ZNF680: variants seen among roughly 807,000 people sequenced by gnomAD.
ZNF680 encodes the protein hypothetical protein FLJ90430.
ZNF680 carries 6 observed loss-of-function variants against 12.1 expected under a neutral mutation model. The observed-to-expected ratio is 0.49, with a 90% CI of 0.27 to 0.98. ZNF680 has a LOEUF of 0.98. Among genes scored for constraint, ZNF680 ranks in the 50% least tolerant of loss-of-function variants. The pLI, the probability that ZNF680 is intolerant of heterozygous loss-of-function variation, is 0.12. For synonymous variants in ZNF680, 170 were observed against 199.3 expected, an observed-to-expected ratio of 0.85 and a Z score of 1.24; for missense variants, 561 against 616.3, an observed-to-expected ratio of 0.91 and a Z score of 0.95.
the ZNF680 span, among the ~76,000 whole-genome samples, chr7:64,499,648 G>A: frequency 6.6e-6 from 1 of 152,200 alleles, no homozygotes; most frequent in South Asian, 2.1e-4. Context: ...GGAGGCTGAG[G>A]CAGGGGAATT....
At chr7:64,502,701 CAG>C in the ZNF680 span, among the ~76,000 whole-genome samples, 1 of 152,144 alleles carries the variant, frequency 6.6e-6, no homozygotes, top group Non-Finnish European at 1.5e-5. Context: ...GGGAAAAAAA[CAG>C]TGTCTTCCCT....
intron 1 of ZNF680, among the ~76,000 whole-genome samples, chr7:64,557,760 G>T (rs1262507218): frequency 2.0e-5 from 3 of 152,158 alleles, no homozygotes; most frequent in African/African-American, 7.2e-5. Flanking sequence ...GTGGTTGCAT[G>T]CACCTGTAGT....
At chr7:64,507,049 C>A in the ZNF680 span, among the ~76,000 whole-genome samples, 56 of 152,140 alleles carry the variant, frequency 3.7e-4, no homozygotes, top group East Asian at 5.8e-4. Flanking sequence ...AACCAATAGA[C>A]AAATACATAT....
chr7:64,534,250 C>A (rs917590068), intron 3 of ZNF680, among the ~76,000 whole-genome samples: 1 of 152,076 alleles, frequency 6.6e-6, no homozygotes, highest in Non-Finnish European at 1.5e-5. Context: ...GGGAAAGGAT[C>A]TTCACAATTT....
At chr7:64,513,421 A>T in the ZNF680 span, among the ~76,000 whole-genome samples, 1 of 152,212 alleles carries the variant, frequency 6.6e-6, no homozygotes, top group South Asian at 2.1e-4. Flanking sequence ...TCAAAAGGAT[A>T]TTATATAGTT....
intron 1 of ZNF680, among the ~76,000 whole-genome samples, chr7:64,554,300 G>A (rs950815331): frequency 3.3e-5 from 5 of 151,576 alleles, no homozygotes; most frequent in African/African-American, 1.2e-4. Flanking sequence ...AGTGAGGAGC[G>A]TCTCTGACCG....
At chr7:64,518,521 A>T (rs1326955663), downstream of ZNF680, among the ~76,000 whole-genome samples, 1 of 152,030 alleles carries the variant, frequency 6.6e-6, no homozygotes, top group Non-Finnish European at 1.5e-5. Context: ...AATACAATGT[A>T]GCTCCCATCA....
At chr7:64,506,547 TAATTA>T in the ZNF680 span, among the ~76,000 whole-genome samples, 3 of 152,214 alleles carry the variant, frequency 2.0e-5, no homozygotes, top group African/African-American at 7.2e-5. Flanking sequence ...AAATAATAAT[TAATTA>T]CTTTCCAATT....
intron 1 of ZNF680, among the ~76,000 whole-genome samples, chr7:64,555,734 ATAT>A (rs1171495357): frequency 2.5e-5 from 3 of 119,374 alleles, no homozygotes; most frequent in East Asian, 4.2e-4. Context: ...GTAAAAAAAA[ATAT>A]ATATATATAT....
At chr7:64,524,497 A>AGTGT (rs1791726345) in intron 3 of ZNF680, among the ~76,000 whole-genome samples, 3 of 152,214 alleles carry the variant, frequency 2.0e-5, no homozygotes, top group Non-Finnish European at 4.4e-5. Flanking sequence ...TGTATATAGC[A>AGTGT]GTGTGTGTAT....
At position 64,520,566 on chromosome 7, in the gene ZNF680, C is replaced by T. The variant is rs1049819324; in HGVS notation, c.*595G>A. 1 of 151,756 alleles carries T rather than the reference C, an allele frequency of 6.6e-6. No individual in the cohort carries two copies. Among genetic ancestry groups the T allele is most frequent in the Non-Finnish European group, 1.5e-5 (1 of 67,760 alleles). The allele number at this position is 151,756 out of a possible 1,614,324, so 9.4% of individuals were successfully genotyped here. On this transcript the variant is annotated 3_prime_UTR_variant, in exon 4 of 4. Coordinates refer to ENST00000309683, the MANE Select transcript of ZNF680 (RefSeq NM_178558.5). ...TTCATACTTACTGCATCTGCAAAAA[C>T]ACATTTCAATATAAATTCATGTTTT...
chr7:64,548,044 C>T (rs1476702266), intron 1 of ZNF680, among the ~76,000 whole-genome samples: 1 of 152,060 alleles, frequency 6.6e-6, no homozygotes, highest in East Asian at 1.9e-4. Context: ...AGGGAGTGGA[C>T]CCTATGTAGA....
the ZNF680 span, chr7:64,501,414 G>A: frequency 9.2e-7 from 1 of 1,092,538 alleles, no homozygotes; most frequent in Middle Eastern, 2.9e-4. Context: ...CCATTAAGAA[G>A]GAACTGACCC....
At chr7:64,539,719 T>C (rs1391035352) in intron 3 of ZNF680, among the ~76,000 whole-genome samples, 1 of 152,220 alleles carries the variant, frequency 6.6e-6, no homozygotes, top group African/African-American at 2.4e-5. Context: ...GGCACAATTA[T>C]GGCTTACTAT....
At chr7:64,547,598 A>G (rs1424720346) in intron 1 of ZNF680, among the ~76,000 whole-genome samples, 2 of 152,134 alleles carry the variant, frequency 1.3e-5, no homozygotes, top group Non-Finnish European at 2.9e-5. Flanking sequence ...AGAGCCCAGG[A>G]TTTTTATTTC....
the ZNF680 span, among the ~76,000 whole-genome samples, chr7:64,502,870 T>C: frequency 6.6e-6 from 1 of 152,104 alleles, no homozygotes; most frequent in Admixed American, 6.6e-5. Context: ...AATATATTTT[T>C]TGCTCACATC....
At chr7:64,527,043 T>A (rs1013152804) in intron 3 of ZNF680, among the ~76,000 whole-genome samples, 1 of 151,814 alleles carries the variant, frequency 6.6e-6, no homozygotes, top group Non-Finnish European at 1.5e-5. Context: ...TTCGAGGCCA[T>A]CCTGGCCAAC....
chr7:64,514,244 C>T, the ZNF680 span, among the ~76,000 whole-genome samples: 8 of 152,122 alleles, frequency 5.3e-5, no homozygotes, highest in Non-Finnish European at 1.2e-4. Context: ...AATATCTAAT[C>T]TTCTTCAGGT....
intron 1 of ZNF680, among the ~76,000 whole-genome samples, chr7:64,545,649 C>A (rs1216180604): frequency 6.6e-6 from 1 of 152,162 alleles, no homozygotes. Flanking sequence ...GTTCAAAATA[C>A]AGGTATCTCC....
Sources: allele counts gnomAD v4.1 joint callset (sites outside exome capture counted in the v4.1 genomes callset), GRCh38; gene constraint gnomAD v4.1.1; transcripts MANE v1.5; gene names NCBI Gene and HGNC (gene_info 2026-07-23, HGNC 2026-07-21).